Variants in BCHE observed in about 807,000 individuals in gnomAD.
BCHE encodes cholinesterase.
Under a neutral mutation model 51.3 loss-of-function variants are expected in BCHE, and 48 were observed. That is an observed-to-expected ratio of 0.94 (90% CI 0.74 to 1.19). The LOEUF (loss-of-function observed/expected upper bound fraction) is 1.19. Among genes scored for constraint, BCHE ranks in the 50% most tolerant of loss-of-function variants. The pLI is 0.00. For synonymous variants in BCHE, 251 were observed against 238.0 expected (o/e 1.05, Z -0.50); for missense variants, 847 against 708.2 (o/e 1.20, Z -2.23).
intron 2 of BCHE, among the ~76,000 whole-genome samples, chr3:165,790,726 G>C (rs867453239): frequency 6.6e-6 from 1 of 152,154 alleles, no homozygotes; most frequent in South Asian, 2.1e-4. Context: ...GTGAAGACTT[G>C]AGGAGAGAAG....
intron 3 of BCHE, among the ~76,000 whole-genome samples, chr3:165,785,143 AT>A (rs1253100011): frequency 7.2e-5 from 11 of 151,906 alleles, no homozygotes; most frequent in African/African-American, 2.4e-4. Context: ...CAGCTCTGAG[AT>A]GCCCATATTT....
chr3:165,801,719 C>T (rs1713655113), intron 2 of BCHE, among the ~76,000 whole-genome samples: 1 of 152,170 alleles, frequency 6.6e-6, no homozygotes. Context: ...ACAAGTAAGA[C>T]CTTACTACTT....
chr3:165,781,512 G>A (rs768800343), intron 3 of BCHE, among the ~76,000 whole-genome samples: 4 of 152,026 alleles, frequency 2.6e-5, no homozygotes, highest in Non-Finnish European at 5.9e-5. Flanking sequence ...AATACTGCAT[G>A]TTCTCACTCA....
chr3:165,791,266 G>A (rs1179333942), intron 2 of BCHE, among the ~76,000 whole-genome samples: 1 of 151,852 alleles, frequency 6.6e-6, no homozygotes, highest in African/African-American at 2.4e-5. Context: ...TGGCACTGCA[G>A]ACTGGGTGAC....
chr3:165,812,318 A>G (rs1714132939), intron 2 of BCHE, among the ~76,000 whole-genome samples: 1 of 150,704 alleles, frequency 6.6e-6, no homozygotes, highest in African/African-American at 2.4e-5. Flanking sequence ...TACGTTTATC[A>G]TGTATTTTAT....
Position 165,827,955 on chromosome 3 carries a change from T to G in BCHE, c.1517+1562A>C, listed in dbSNP as rs1714795423. 4.6e-6 allele frequency: 2 copies of G among 431,676 alleles called. 1 individual carries two copies. Among genetic ancestry groups the G allele is most frequent in the Admixed American group, 5.3e-5 (2 of 37,766 alleles). The allele number at this position is 431,676 out of a possible 1,614,324, so 26.7% of individuals were successfully genotyped here. On this transcript the variant is annotated intron_variant, in intron 2 of 3. Coordinates refer to ENST00000264381, the MANE Select transcript of BCHE (RefSeq NM_000055.4). ...CTTTTACCAGCTCTCATTCAATCAT[T>G]AGCCAAATATTTGTTAAATATGATA... is the stretch of plus-strand genomic sequence containing the variant.
At chr3:165,823,019 G>A (rs1714586650) in intron 2 of BCHE, among the ~76,000 whole-genome samples, 1 of 152,032 alleles carries the variant, frequency 6.6e-6, no homozygotes, top group Non-Finnish European at 1.5e-5. Context: ...ATATAGACCT[G>A]TGTGTTATTT....
chr3:165,773,435 T>C lies in BCHE; in HGVS notation c.1756A>G (p.Lys586Glu), dbSNP rs775541959. 7 of 1,610,334 alleles carry C rather than the reference T, an allele frequency of 4.3e-6. No homozygotes were observed. The highest frequency in any genetic ancestry group is 5.1e-6 in the Non-Finnish European group (6 of 1,177,020). The change falls in exon 4 of 4, where the codon AAA (lysine) becomes GAA (glutamate). Residue 586 changes from lysine to glutamate, a missense_variant. Lys to Glu is a moderately conservative substitution (Grantham distance 56, BLOSUM62 1). Transcript: ENST00000264381. ...CTAGTGTAATCGTTAAATTGATTTTTCCAGTCCATCATGTAATTGTTCCAG... is the reference window on the plus strand; with the variant it reads ...CTAGTGTAATCGTTAAATTGATTTTCCCAGTCCATCATGTAATTGTTCCAG... ...HRWNNYMMDW[K>E]NQFNDYTSKK...
chr3:165,821,008 T>C (rs573756940), intron 2 of BCHE, among the ~76,000 whole-genome samples: 2 of 134,808 alleles, frequency 1.5e-5, no homozygotes, highest in South Asian at 5.1e-4. Flanking sequence ...GCAATTCACT[T>C]TTCTTCTATG....
At chr3:165,798,390 A>T (rs149131665) in intron 2 of BCHE, among the ~76,000 whole-genome samples, 1 of 152,268 alleles carries the variant, frequency 6.6e-6, no homozygotes, top group East Asian at 1.9e-4. Context: ...TTTAAGAAGA[A>T]TATACTTTAA....
chr3:165,808,049 T>G (rs182120359), intron 2 of BCHE, among the ~76,000 whole-genome samples: 1 of 152,162 alleles, frequency 6.6e-6, no homozygotes, highest in Non-Finnish European at 1.5e-5. Context: ...AGTGGCGCGA[T>G]CTCAGCTCAC....
chr3:165,827,660 T>A (rs1714777432), intron 2 of BCHE, among the ~76,000 whole-genome samples: 1 of 151,976 alleles, frequency 6.6e-6, no homozygotes. Context: ...TCAAAAATCA[T>A]CCTTAAATCC....
At chr3:165,774,720 A>G (rs890197129) in intron 3 of BCHE, among the ~76,000 whole-genome samples, 3 of 152,178 alleles carry the variant, frequency 2.0e-5, no homozygotes, top group Admixed American at 6.5e-5. Flanking sequence ...GTTGTAAAAT[A>G]GAAAGATGAT....
rs892956641 is a variant in BCHE at position 165,829,419 on chromosome 3, T to G, written c.1517+98A>C. On this transcript the variant is annotated intron_variant, in intron 2 of 3. Transcript: ENST00000264381. ...AAATAGAACAAATAATTAAAACATT[T>G]CTGTGTCTTTATACTAAAGTCTACC... The G allele has an allele frequency of 6.5e-6, 7 of 1,072,868 alleles. No individual in the cohort carries two copies. In the African/African-American group the frequency reaches 1.1e-4, roughly 17 times the overall value. The allele number at this position is 1,072,868 out of a possible 1,614,324, so 66.5% of individuals were successfully genotyped here.
intron 3 of BCHE, among the ~76,000 whole-genome samples, chr3:165,776,833 A>T (rs1337419864): frequency 6.6e-6 from 1 of 151,776 alleles, no homozygotes; most frequent in East Asian, 1.9e-4. Flanking sequence ...CTCTTTATTC[A>T]TACTACAATG....
chr3:165,834,022 C>A (rs935110633), intron 1 of BCHE, among the ~76,000 whole-genome samples: 3 of 151,888 alleles, frequency 2.0e-5, no homozygotes, highest in African/African-American at 7.3e-5. Context: ...AACCAAACAC[C>A]AAATTGAAAT....
At chr3:165,773,942 C>G (rs760063475) in intron 3 of BCHE, among the ~76,000 whole-genome samples, 7 of 152,004 alleles carry the variant, frequency 4.6e-5, no homozygotes, top group Non-Finnish European at 7.4e-5. Context: ...TATATGACTA[C>G]AGTCATCCTT....
chr3:165,783,764 T>G (rs760116444), intron 3 of BCHE, among the ~76,000 whole-genome samples: 9 of 152,102 alleles, frequency 5.9e-5, no homozygotes, highest in Non-Finnish European at 1.2e-4. Context: ...ATTTTTCTAC[T>G]TCTTTTTCTT....
chr3:165,793,913 G>T (rs1369052521), intron 2 of BCHE, among the ~76,000 whole-genome samples: 1 of 152,084 alleles, frequency 6.6e-6, no homozygotes, highest in Non-Finnish European at 1.5e-5. Context: ...GGGGCGTGGT[G>T]GTGTGCACCT....
Sources: allele counts gnomAD v4.1 joint callset (sites outside exome capture counted in the v4.1 genomes callset), GRCh38; gene constraint gnomAD v4.1.1; transcripts MANE v1.5; gene names NCBI Gene and HGNC (gene_info 2026-07-23, HGNC 2026-07-21).